RANBP2: variants seen among roughly 807,000 people sequenced by gnomAD.
RANBP2 encodes E3 SUMO-protein ligase RanBP2.
RANBP2 carries 57 observed loss-of-function variants against 303.6 expected under a neutral mutation model. That is an observed-to-expected ratio of 0.19 (90% CI 0.15 to 0.23). The LOEUF is 0.23. Among genes scored for constraint, RANBP2 ranks in the 10% least tolerant of loss-of-function variants. RANBP2 has a pLI of 1.00. For missense variants in RANBP2, 3,138 were observed against 3,780.8 expected, an observed-to-expected ratio of 0.83 and a Z score of 4.46; for synonymous variants, 1,167 against 1,301.5, an observed-to-expected ratio of 0.90 and a Z score of 2.23.
chr2:108,889,170 T>G, the RANBP2 span, among the ~76,000 whole-genome samples: 1 of 152,188 alleles, frequency 6.6e-6, no homozygotes, highest in African/African-American at 2.4e-5. Flanking sequence ...ATACTTGATA[T>G]GATTGTGGTT....
At chr2:109,608,986 C>T in the RANBP2 span, among the ~76,000 whole-genome samples, 1 of 152,302 alleles carries the variant, frequency 6.6e-6, no homozygotes, top group African/African-American at 2.4e-5. Context: ...GGACTCTATC[C>T]TGCAGTAGAT....
At chr2:109,549,671 G>A in the RANBP2 span, among the ~76,000 whole-genome samples, 2 of 152,052 alleles carry the variant, frequency 1.3e-5, no homozygotes, top group African/African-American at 2.4e-5. Flanking sequence ...CCTTTTCCAC[G>A]GGGGATACAT....
chr2:108,924,574 G>A, the RANBP2 span, among the ~76,000 whole-genome samples: 1 of 152,140 alleles, frequency 6.6e-6, no homozygotes, highest in Non-Finnish European at 1.5e-5. Flanking sequence ...AGGCCCCATG[G>A]AGGCCCCTGC....
At chr2:108,802,797 A>G in the RANBP2 span, among the ~76,000 whole-genome samples, 1 of 151,942 alleles carries the variant, frequency 6.6e-6, no homozygotes, top group Non-Finnish European at 1.5e-5. Flanking sequence ...ATTTTGAAAT[A>G]CGTCCCATCA....
the RANBP2 span, among the ~76,000 whole-genome samples, chr2:109,475,237 A>G: frequency 5.0e-3 from 756 of 152,208 alleles, 7 homozygotes; most frequent in Non-Finnish European, 6.5e-3. Context: ...TCGGCCTCCC[A>G]AAGTGCTAGG....
chr2:108,794,756 T>G, the RANBP2 span: 1 of 1,479,916 alleles, frequency 6.8e-7, no homozygotes, highest in Non-Finnish European at 9.3e-7. Context: ...AATTCAGAAA[T>G]ATTTATGTTC....
At chr2:108,791,162 C>G in the RANBP2 span, among the ~76,000 whole-genome samples, 1 of 151,986 alleles carries the variant, frequency 6.6e-6, no homozygotes, top group Non-Finnish European at 1.5e-5. Flanking sequence ...TAACGTGCTA[C>G]TAGAAAATTT....
the RANBP2 span, among the ~76,000 whole-genome samples, chr2:109,685,459 T>C: frequency 6.6e-6 from 1 of 152,246 alleles, no homozygotes; most frequent in African/African-American, 2.4e-5. Flanking sequence ...TGAAGTGTCA[T>C]GCTTCTCACA....
the RANBP2 span, among the ~76,000 whole-genome samples, chr2:109,390,304 C>G: frequency 6.6e-6 from 1 of 152,146 alleles, no homozygotes; most frequent in African/African-American, 2.4e-5. Context: ...GGTCCTTATC[C>G]CAGTCTGAAA....
At chr2:109,634,136 A>G in the RANBP2 span, among the ~76,000 whole-genome samples, 2 of 150,502 alleles carry the variant, frequency 1.3e-5, no homozygotes, top group Non-Finnish European at 1.5e-5. Context: ...AAAAAAAAAA[A>G]AAAAAAAAAA....
At chr2:109,352,256 A>G in the RANBP2 span, among the ~76,000 whole-genome samples, 7 of 152,180 alleles carry the variant, frequency 4.6e-5, no homozygotes, top group Admixed American at 4.6e-4. Context: ...CAGATGGTAC[A>G]TATCACTTTT....
the RANBP2 span, among the ~76,000 whole-genome samples, chr2:109,363,075 G>T: frequency 6.6e-6 from 1 of 152,026 alleles, no homozygotes; most frequent in South Asian, 2.1e-4. Context: ...ATAGAGTCAG[G>T]TTAAATTCTA....
the RANBP2 span, among the ~76,000 whole-genome samples, chr2:109,519,107 C>G: frequency 0.028 from 4,206 of 151,782 alleles, 212 homozygotes; most frequent in African/African-American, 0.096. Context: ...TTAGTAGAGA[C>G]GGGGTTTCAC....
the RANBP2 span, among the ~76,000 whole-genome samples, chr2:109,343,966 A>T: frequency 6.6e-6 from 1 of 151,380 alleles, no homozygotes; most frequent in Admixed American, 6.6e-5. Context: ...CTAGCCTTAA[A>T]CTCCTGGCCT....
chr2:109,137,963 T>A, the RANBP2 span, among the ~76,000 whole-genome samples: 3 of 152,244 alleles, frequency 2.0e-5, no homozygotes, highest in East Asian at 5.8e-4. Flanking sequence ...GTTGCCTGTG[T>A]GGAGTGCCTT....
At chr2:109,101,556 A>C in the RANBP2 span, among the ~76,000 whole-genome samples, 1 of 152,126 alleles carries the variant, frequency 6.6e-6, no homozygotes, top group African/African-American at 2.4e-5. Flanking sequence ...AAAAAAACCC[A>C]AAAACAACAA....
the RANBP2 span, among the ~76,000 whole-genome samples, chr2:109,063,936 A>G: frequency 6.6e-6 from 1 of 151,986 alleles, no homozygotes; most frequent in Non-Finnish European, 1.5e-5. Flanking sequence ...GCTTATTCTC[A>G]TGATTGTTGC....
At chr2:109,697,884 G>T in the RANBP2 span, among the ~76,000 whole-genome samples, 1 of 145,836 alleles carries the variant, frequency 6.9e-6, no homozygotes, top group African/African-American at 2.6e-5. Context: ...TTTTGAGATG[G>T]ACTCTCACTC....
At chr2:109,137,618 T>G in the RANBP2 span, among the ~76,000 whole-genome samples, 1 of 152,232 alleles carries the variant, frequency 6.6e-6, no homozygotes, top group Non-Finnish European at 1.5e-5. Flanking sequence ...GATACATTCA[T>G]GGGTGACTGC....
Sources: allele counts gnomAD v4.1 joint callset (sites outside exome capture counted in the v4.1 genomes callset), GRCh38; gene constraint gnomAD v4.1.1; transcripts MANE v1.5; gene names NCBI Gene and HGNC (gene_info 2026-07-23, HGNC 2026-07-21).